Variants in CCDC122 observed in about 807,000 individuals in gnomAD.
The protein encoded by CCDC122 is coiled-coil domain containing 122, also known as coiled-coil domain-containing protein 122.
A neutral mutation model predicts 37.0 loss-of-function variants in CCDC122; 38 were observed. That is an observed-to-expected ratio of 1.03 (90% CI 0.79 to 1.35). CCDC122 has a LOEUF of 1.35. Ranked by LOEUF, CCDC122 falls within the 40% of genes most tolerant of loss-of-function variation. The pLI, the probability that CCDC122 is intolerant of heterozygous loss-of-function variation, is 0.00. For synonymous variants in CCDC122, 83 were observed against 95.6 expected, an observed-to-expected ratio of 0.87 and a Z score of 0.77; for missense variants, 305 against 310.0, an observed-to-expected ratio of 0.98 and a Z score of 0.12.
intron 6 of CCDC122, among the ~76,000 whole-genome samples, chr13:43,849,404 A>G (rs1051225339): frequency 4.6e-5 from 7 of 152,334 alleles, no homozygotes; most frequent in African/African-American, 1.7e-4. Flanking sequence ...ATTCTTCCTG[A>G]TAAGTAGAAC....
At chr13:43,876,262 C>G (rs1232763333) in intron 1 of CCDC122, among the ~76,000 whole-genome samples, 3 of 152,246 alleles carry the variant, frequency 2.0e-5, no homozygotes, top group African/African-American at 7.2e-5. Context: ...AAATTTGCAT[C>G]TGCTACATGG....
chr13:43,820,254 G>T (rs891538291), downstream of CCDC122, among the ~76,000 whole-genome samples: 2 of 152,176 alleles, frequency 1.3e-5, no homozygotes, highest in African/African-American at 4.8e-5. Context: ...AAGCCTGAGG[G>T]ATAGTGACAA....
At chr13:43,834,983 A>T (rs531502146), downstream of CCDC122, among the ~76,000 whole-genome samples, 1,688 of 152,058 alleles carry the variant, frequency 0.011, 34 homozygotes, top group African/African-American at 0.037. Context: ...GGATTATAAA[A>T]CATGCTGCTA....
At chr13:43,863,691 G>C (rs1954185790) in intron 4 of CCDC122, among the ~76,000 whole-genome samples, 1 of 151,910 alleles carries the variant, frequency 6.6e-6, no homozygotes, top group South Asian at 2.1e-4. Context: ...GTGTGTGTGT[G>C]TGTGTGTGTG....
chr13:43,828,281 A>G (rs1331487117), intron 3 of CCDC122, among the ~76,000 whole-genome samples: 1 of 152,182 alleles, frequency 6.6e-6, no homozygotes, highest in Non-Finnish European at 1.5e-5. Context: ...AACATACATC[A>G]GAGCACGCAT....
intron 4 of CCDC122, among the ~76,000 whole-genome samples, chr13:43,864,715 G>A (rs1954219098): frequency 6.6e-6 from 1 of 152,110 alleles, no homozygotes; most frequent in African/African-American, 2.4e-5. Context: ...CTTCCAACAT[G>A]AGGGTTGGAG....
chr13:43,836,937 G>T lies in CCDC122; in HGVS notation c.*343C>A. 6.0e-6 allele frequency: 1 copy of T among 166,890 alleles called. No individual in the cohort carries two copies. The highest frequency in any genetic ancestry group is 1.3e-5 in the Non-Finnish European group (1 of 78,802). The allele number at this position is 166,890 out of a possible 1,614,324, so 10.3% of individuals were successfully genotyped here. A position where few individuals can be genotyped will look rare whatever the true frequency, so the allele number is the denominator to read the frequency against. On this transcript the variant is annotated 3_prime_UTR_variant, in exon 7 of 7. Coordinates refer to ENST00000444614, the MANE Select transcript of CCDC122 (RefSeq NM_144974.5). ...AATTTAAATCAGTGAAAATTCGAGTGTTTTTTCCCTTCTAAATTTTTACTT... is the reference window on the plus strand; with the variant it reads ...AATTTAAATCAGTGAAAATTCGAGTTTTTTTTCCCTTCTAAATTTTTACTT...
intron 2 of CCDC122, among the ~76,000 whole-genome samples, chr13:43,871,749 C>A (rs1954459527): frequency 6.6e-6 from 1 of 152,116 alleles, no homozygotes; most frequent in Admixed American, 6.6e-5. Context: ...CATCCTCAAG[C>A]CACTAAGTCT....
chr13:43,840,228 G>A (rs1228354715), intron 6 of CCDC122, among the ~76,000 whole-genome samples: 1 of 152,126 alleles, frequency 6.6e-6, no homozygotes, highest in Non-Finnish European at 1.5e-5. Context: ...TTAACACCAT[G>A]CTTGTGGAAG....
chr13:43,837,498 T>G, intron 6 of CCDC122, 69 bp from the exon 7 acceptor site: 1 of 1,389,362 alleles, frequency 7.2e-7, no homozygotes, highest in Non-Finnish European at 9.8e-7. Context: ...TAAATAATAT[T>G]TTGACTACTC....
intron 6 of CCDC122, among the ~76,000 whole-genome samples, chr13:43,846,116 C>A (rs1313181899): frequency 6.6e-6 from 1 of 151,954 alleles, no homozygotes; most frequent in African/African-American, 2.4e-5. Flanking sequence ...CTATTGTCGC[C>A]CAGGCTGGAG....
chr13:43,872,114 A>T (rs951207348), intron 2 of CCDC122, among the ~76,000 whole-genome samples: 1 of 151,816 alleles, frequency 6.6e-6, no homozygotes, highest in African/African-American at 2.4e-5. Context: ...GATGCAAACT[A>T]CTGTTTATTC....
Position 43,837,120 on chromosome 13 carries a change from C to A in CCDC122, c.*160G>T. ...AGGGTTAGAAGGCATTTTAACAAAT[C>A]GATGACTGATTTAAAAAAAACAACA... On this transcript the variant is annotated 3_prime_UTR_variant, in exon 7 of 7. Coordinates refer to ENST00000444614, the MANE Select transcript of CCDC122 (RefSeq NM_144974.5). 1.5e-6 allele frequency: 1 copy of A among 648,686 alleles called. No individual in the cohort carries two copies. 40.2% of individuals were successfully genotyped at this position (648,686 alleles called of 1,614,324 possible). A position where few individuals can be genotyped will look rare whatever the true frequency, so the allele number is the denominator to read the frequency against.
intron 6 of CCDC122, among the ~76,000 whole-genome samples, chr13:43,838,526 T>G (rs1342363298): frequency 6.6e-6 from 1 of 152,152 alleles, no homozygotes; most frequent in East Asian, 1.9e-4. Flanking sequence ...TACCATATAA[T>G]CCATCCTTTA....
intron 4 of CCDC122, among the ~76,000 whole-genome samples, chr13:43,868,420 T>C (rs1421128977): frequency 6.6e-6 from 1 of 152,096 alleles, no homozygotes; most frequent in East Asian, 1.9e-4. Context: ...GGAAACACTA[T>C]CAAATAAGGG....
intron 4 of CCDC122, among the ~76,000 whole-genome samples, chr13:43,862,588 C>T (rs1037806384): frequency 6.6e-6 from 1 of 152,126 alleles, no homozygotes; most frequent in South Asian, 2.1e-4. Context: ...TCTGTGGCTA[C>T]AGGAACCATG....
intron 6 of CCDC122, chr13:43,858,376 G>A (rs1953995174): frequency 6.6e-6 from 1 of 152,190 alleles, no homozygotes; most frequent in Non-Finnish European, 1.5e-5. Flanking sequence ...CGAATATGAA[G>A]TCAGAGAGGT....
downstream of CCDC122, among the ~76,000 whole-genome samples, chr13:43,834,277 T>A (rs185461178): frequency 3.1e-3 from 477 of 152,190 alleles, 1 homozygote; most frequent in African/African-American, 0.011. Context: ...TGAAACTGGA[T>A]CCCATCCTTA....
chr13:43,879,441 C>T (rs1467900573), intron 1 of CCDC122, 190 bp downstream of exon 1: 4 of 152,868 alleles, frequency 2.6e-5, no homozygotes, highest in African/African-American at 9.6e-5. Flanking sequence ...GGGCGAGAGC[C>T]CTCGCGCGGC....
Sources: gnomAD v4.1 joint callset for allele counts (sites outside exome capture counted in the v4.1 genomes callset) on GRCh38, gnomAD v4.1.1 for gene constraint, MANE v1.5 for transcripts, NCBI Gene and HGNC (gene_info 2026-07-23, HGNC 2026-07-21) for gene names.